Variants in FRMD3 observed in about 807,000 individuals in gnomAD.
FRMD3 encodes the protein FERM domain containing 3.
A neutral mutation model predicts 70.2 loss-of-function variants in FRMD3; 33 were observed. That is an observed-to-expected ratio of 0.47 (90% CI 0.36 to 0.63). The LOEUF (loss-of-function observed/expected upper bound fraction) is 0.63. Among genes scored for constraint, FRMD3 ranks in the 20% least tolerant of loss-of-function variants. FRMD3 has a pLI of 0.00. For missense variants in FRMD3, 632 were observed against 711.4 expected, an observed-to-expected ratio of 0.89 and a Z score of 1.27; for synonymous variants, 279 against 255.9, an observed-to-expected ratio of 1.09 and a Z score of -0.86.
rs200043983 is a variant in FRMD3 at position 83,301,144 on chromosome 9, TG to T, written c.927-1959del. Reference sequence around the variant, plus strand: ...CAGAGGCACGTGAGAGCCATGGCCCTGGGGGGGGCCCTGCAGTGTGCTGGCT... The same window carrying T: ...CAGAGGCACGTGAGAGCCATGGCCCTGGGGGGGCCCTGCAGTGTGCTGGCT... On this transcript the variant is annotated intron_variant, in intron 10 of 13. Transcript: ENST00000304195. Among the ~76,000 whole-genome samples the T allele has an allele frequency of 5.0e-3, 760 of 151,814 alleles. 7 individuals are homozygous for T. Among genetic ancestry groups the T allele is most frequent in the African/African-American group, 0.017 (716 of 41,426 alleles).
At chr9:83,460,925 C>T (rs11792982) in intron 1 of FRMD3, among the ~76,000 whole-genome samples, 1 of 151,728 alleles carries the variant, frequency 6.6e-6, no homozygotes, top group Non-Finnish European at 1.5e-5. Context: ...GTACACATTT[C>T]TGAGGAGGCA....
the FRMD3 span, among the ~76,000 whole-genome samples, chr9:83,559,016 T>C: frequency 6.6e-6 from 1 of 152,224 alleles, no homozygotes; most frequent in Admixed American, 6.5e-5. Flanking sequence ...TGGACTTTAC[T>C]TCAGGTGAGG....
intron 5 of FRMD3, among the ~76,000 whole-genome samples, chr9:83,342,811 T>C (rs1475528198): frequency 6.6e-6 from 1 of 152,134 alleles, no homozygotes; most frequent in Non-Finnish European, 1.5e-5. Context: ...GATTCCCCTC[T>C]CAATATGTCC....
intron 1 of FRMD3, among the ~76,000 whole-genome samples, chr9:83,416,753 C>CTT (rs1564066991): frequency 9.9e-6 from 1 of 101,028 alleles, no homozygotes; most frequent in African/African-American, 4.9e-5. Context: ...CTGTCTCTCT[C>CTT]TCTCTCTCTC....
At chr9:83,271,101 G>T (rs1004673238) in intron 13 of FRMD3, among the ~76,000 whole-genome samples, 1 of 152,096 alleles carries the variant, frequency 6.6e-6, no homozygotes, top group African/African-American at 2.4e-5. Context: ...ACATGACTGG[G>T]TTCCTGACAT....
At position 83,526,482 on chromosome 9, in the gene FRMD3, G is replaced by C. The variant is rs117416119; in HGVS notation, c.147+11603C>G. Among the ~76,000 whole-genome samples the C allele has an allele frequency of 2.7e-3, 412 of 152,280 alleles. 2 individuals carry two copies. Among genetic ancestry groups the C allele is most frequent in the Non-Finnish European group, 4.5e-3 (303 of 68,022 alleles). ...AAGCAAGCAAGAGATCACTTTACTT[G>C]TAATGCCCTTTTTCTCCTTCTGAAA... On this transcript the variant is annotated intron_variant, in intron 1 of 13. Transcript: ENST00000304195.
intron 1 of FRMD3, among the ~76,000 whole-genome samples, chr9:83,432,274 C>A (rs1345031569): frequency 6.6e-6 from 1 of 152,180 alleles, no homozygotes; most frequent in East Asian, 1.9e-4. Flanking sequence ...CTCCATAAAC[C>A]ACTTCTACAG....
At chr9:83,556,917 T>C in the FRMD3 span, among the ~76,000 whole-genome samples, 2 of 152,120 alleles carry the variant, frequency 1.3e-5, no homozygotes, top group Non-Finnish European at 2.9e-5. Context: ...TATTCTTTAA[T>C]TTTTGAAATA....
At chr9:83,310,577 GA>G (rs1587709097) in intron 8 of FRMD3, 29 bp from the exon 9 acceptor site, 5 of 1,558,650 alleles carry the variant, frequency 3.2e-6, no homozygotes, top group African/African-American at 2.8e-5. Context: ...TGGGTAAGAA[GA>G]AAAAAAGTGG....
intron 12 of FRMD3, chr9:83,297,739 C>T (rs2119013377): frequency 2.1e-6 from 1 of 471,708 alleles, no homozygotes. Flanking sequence ...AGTGTGATAG[C>T]CTGGTTTTGC....
the FRMD3 span, among the ~76,000 whole-genome samples, chr9:83,567,191 T>TG: frequency 6.6e-6 from 1 of 152,216 alleles, no homozygotes; most frequent in Non-Finnish European, 1.5e-5. Flanking sequence ...TGCCAAGGCT[T>TG]GGGGCTTCCA....
At chr9:83,301,371 C>T (rs918842658) in intron 10 of FRMD3, among the ~76,000 whole-genome samples, 4 of 152,154 alleles carry the variant, frequency 2.6e-5, no homozygotes, top group African/African-American at 9.7e-5. Flanking sequence ...AGGACAATCA[C>T]CTCTGCCCTC....
At position 83,313,698 on chromosome 9, in the gene FRMD3, T is replaced by A. The variant is rs2131061440; in HGVS notation, c.646A>T (p.Thr216Ser). Residue 216 changes from threonine (T) to serine (S), a missense_variant, in exon 7 of 14, where the codon ACT becomes TCT. Physicochemically the swap from Thr to Ser is moderately conservative, Grantham distance 58 (BLOSUM62 1). This residue lies in a region of FRMD3 where 6 missense variants were observed against 21.6 expected (regional missense o/e 0.28). Transcript: ENST00000304195. ...GGATCCACCCCGTAGGTTTCCAAAG[T>A]GTGAGCTTTCAGGAGCAAGTTAAAT... ...AEFNLLLKAH[T>S]LETYGVDPHP... The A allele has an allele frequency of 6.2e-7, 1 of 1,614,160 alleles. No individual in the cohort carries two copies. The highest frequency in any genetic ancestry group is 1.7e-5 in the Admixed American group (1 of 60,020).
chr9:83,248,441 T>C lies in FRMD3; in HGVS notation c.1271A>G (p.Tyr424Cys), dbSNP rs1481118520. ...TTCCTCTTCACTAGGGGGATCTTCA[T>C]ACTCCCGGGCTGCCTTCACTGGGGA... Reference protein sequence around the residue: ...SSSPVKAAREYEDPPSEEEDK... With the variant: ...SSSPVKAARECEDPPSEEEDK... Residue 424 changes from tyrosine to cysteine, a missense_variant, in exon 14 of 14, where the codon TAT (tyrosine) becomes TGT (cysteine). By Grantham distance (194) the Tyr-to-Cys change is radical (BLOSUM62 -2). Coordinates refer to ENST00000304195, the MANE Select transcript of FRMD3 (RefSeq NM_174938.6). 2 of 1,614,110 alleles carry C rather than the reference T, an allele frequency of 1.2e-6. No homozygotes were observed. The highest frequency in any genetic ancestry group is 1.7e-5 in the Admixed American group (1 of 60,022).
chr9:83,285,667 T>C (rs1445147606), intron 13 of FRMD3, among the ~76,000 whole-genome samples: 1 of 152,180 alleles, frequency 6.6e-6, no homozygotes, highest in Non-Finnish European at 1.5e-5. Flanking sequence ...AATCCAGCAT[T>C]CTTCCATAAT....
In FRMD3 at chr9:83,423,585, C is replaced by CTTTTTTTTTTTTTTTTTTT. The variant is rs869226126; in HGVS notation, c.148-33896_148-33878dup. 5.0e-5 allele frequency among the ~76,000 whole-genome samples: 3 copies of CTTTTTTTTTTTTTTTTTTT among 60,480 alleles called. 1 individual carries two copies. The highest frequency in any genetic ancestry group is 9.0e-5 in the Non-Finnish European group (3 of 33,510). The allele number at this position is 60,480 out of a possible 152,430, so 39.7% of individuals were successfully genotyped here. On this transcript the variant is annotated intron_variant, in intron 1 of 13. Coordinates refer to ENST00000304195, the MANE Select transcript of FRMD3 (RefSeq NM_174938.6). ...TTCCCTAGTTGCACTAGCCCTGTTT[C>CTTTTTTTTTTTTTTTTTTT]TTTTTTTTTTTTTTTTTTTTTTTTT... is the stretch of plus-strand genomic sequence containing the variant.
chr9:83,403,857 A>T (rs1215560723), intron 1 of FRMD3, among the ~76,000 whole-genome samples: 1 of 151,984 alleles, frequency 6.6e-6, no homozygotes, highest in Non-Finnish European at 1.5e-5. Context: ...AATTCCTCCA[A>T]GCTACTTTTT....
Position 83,528,296 on chromosome 9 carries a change from GACACAC to G in FRMD3, c.147+9783_147+9788del, listed in dbSNP as rs35727605. On this transcript the variant is annotated intron_variant, in intron 1 of 13. Transcript: ENST00000304195. Reference sequence around the variant, plus strand: ...TCTTAATATTTTGAATATAAACGCAGACACACACACACACACACACACACGTGCATA... The same window carrying G: ...TCTTAATATTTTGAATATAAACGCAGACACACACACACACACACGTGCATA... 4.7e-5 allele frequency among the ~76,000 whole-genome samples: 7 copies of G among 149,214 alleles called. No individual in the cohort carries two copies. In the East Asian group the frequency reaches 1.4e-3, roughly 30 times the overall value.
chr9:83,297,645 A>G, intron 12 of FRMD3: 3 of 438,662 alleles, frequency 6.8e-6, no homozygotes, highest in South Asian at 5.0e-5. Context: ...ATTGGTGGGC[A>G]GGCTGCACTT....
Sources: allele counts gnomAD v4.1 joint callset (sites outside exome capture counted in the v4.1 genomes callset), GRCh38; gene constraint gnomAD v4.1.1; regional missense constraint gnomAD v4.1.1; transcripts MANE v1.5; gene names NCBI Gene and HGNC (gene_info 2026-07-23, HGNC 2026-07-21).